Variants in DCC observed in about 807,000 individuals in gnomAD.
DCC encodes the protein DCC netrin 1 receptor.
DCC carries 58 observed loss-of-function variants against 172.5 expected under a neutral mutation model. That is an observed-to-expected ratio of 0.34 (90% CI 0.27 to 0.42). DCC has a LOEUF of 0.42. Ranked by LOEUF, DCC falls within the 10% of genes least tolerant of loss-of-function variation. The pLI is 1.00. For missense variants in DCC, 1,740 were observed against 1,791.0 expected (o/e 0.97, Z 0.51); for synonymous variants, 709 against 644.5 (o/e 1.10, Z -1.52).
At chr18:52,829,113 C>A (rs1269201044) in intron 2 of DCC, among the ~76,000 whole-genome samples, 1 of 152,018 alleles carries the variant, frequency 6.6e-6, no homozygotes, top group Admixed American at 6.6e-5. Context: ...TAATCATTTC[C>A]CTATTTTATC....
intron 19 of DCC, among the ~76,000 whole-genome samples, chr18:53,407,373 G>A (rs1430513151): frequency 6.6e-6 from 1 of 151,156 alleles, no homozygotes; most frequent in East Asian, 1.9e-4. Flanking sequence ...GAATAAAAAA[G>A]TAATAAGATA....
chr18:52,660,191 A>T (rs1225724023), intron 1 of DCC, among the ~76,000 whole-genome samples: 2 of 152,142 alleles, frequency 1.3e-5, no homozygotes, highest in African/African-American at 4.8e-5. Context: ...GGTGAAGGAA[A>T]GTCTCACCAA....
At chr18:52,990,606 A>G (rs1261440873) in intron 5 of DCC, among the ~76,000 whole-genome samples, 1 of 151,776 alleles carries the variant, frequency 6.6e-6, no homozygotes, top group East Asian at 1.9e-4. Context: ...AAATGATCAA[A>G]GAGATTGTAT....
intron 5 of DCC, among the ~76,000 whole-genome samples, chr18:53,043,625 T>G (rs1476656861): frequency 6.6e-6 from 1 of 151,838 alleles, no homozygotes; most frequent in Non-Finnish European, 1.5e-5. Context: ...CTTTATGAGT[T>G]TTCTTTGCCA....
intron 2 of DCC, among the ~76,000 whole-genome samples, chr18:52,860,131 G>T (rs1365336312): frequency 6.6e-6 from 1 of 152,138 alleles, no homozygotes; most frequent in Admixed American, 6.5e-5. Flanking sequence ...AAAAACAAAG[G>T]TTAATATCTG....
chr18:53,071,747 G>A (rs761176260), intron 7 of DCC, among the ~76,000 whole-genome samples: 2 of 152,172 alleles, frequency 1.3e-5, no homozygotes, highest in Non-Finnish European at 2.9e-5. Context: ...AGGGCAGGAT[G>A]TTGGCTAAGA....
chr18:53,208,504 TG>T (rs201291437), intron 11 of DCC, among the ~76,000 whole-genome samples: 2,698 of 132,124 alleles, frequency 0.02, 38 homozygotes, highest in Non-Finnish European at 0.032. Flanking sequence ...AAGGTGTAAA[TG>T]ATAGACAATC....
intron 25 of DCC, among the ~76,000 whole-genome samples, chr18:53,473,038 A>C (rs190342842): frequency 1.1e-4 from 17 of 152,104 alleles, no homozygotes; most frequent in African/African-American, 3.6e-4. Flanking sequence ...GACTCAGTGG[A>C]TAGCTCAACC....
At chr18:53,293,540 G>A (rs2057030589) in intron 12 of DCC, among the ~76,000 whole-genome samples, 1 of 152,058 alleles carries the variant, frequency 6.6e-6, no homozygotes, top group Non-Finnish European at 1.5e-5. Context: ...TGTGTCATAG[G>A]GGCTTGTTGT....
At chr18:52,396,281 A>ACC (rs34363129) in intron 1 of DCC, among the ~76,000 whole-genome samples, 14 of 114,298 alleles carry the variant, frequency 1.2e-4, no homozygotes, top group Non-Finnish European at 1.4e-4. Context: ...CCTGCACCAC[A>ACC]CCCCCCCCCC....
intron 1 of DCC, among the ~76,000 whole-genome samples, chr18:52,570,324 T>A (rs2033263555): frequency 6.6e-6 from 1 of 152,192 alleles, no homozygotes; most frequent in African/African-American, 2.4e-5. Context: ...TGGAAGCAGA[T>A]GCTTCTCCCG....
chr18:53,236,446 G>A (rs1301779574), intron 12 of DCC, among the ~76,000 whole-genome samples: 1 of 151,968 alleles, frequency 6.6e-6, no homozygotes, highest in Non-Finnish European at 1.5e-5. Flanking sequence ...CACATTTTAG[G>A]AAAACATTTT....
rs570083414 is a variant in DCC, at chr18:52,555,706, A to G, written c.92-196348A>G. Among the ~76,000 whole-genome samples, 3 of 152,230 alleles carry G rather than the reference A, an allele frequency of 2.0e-5. No homozygotes were observed. The East Asian group carries it at 5.8e-4, about 29-fold the overall frequency. ...GGTTTGGTAATTTCGTTCTAAGAAG[A>G]CTGTTTTTTAAAAAATCTGTTATTA... On this transcript the variant is annotated intron_variant, in intron 1 of 28. Transcript: ENST00000442544.
intron 27 of DCC, among the ~76,000 whole-genome samples, chr18:53,513,337 G>T (rs568351017): frequency 1.3e-4 from 20 of 152,108 alleles, no homozygotes; most frequent in Admixed American, 1.3e-3. Context: ...AGGAACAACC[G>T]GTACCAGCCG....
At chr18:53,118,669 G>T (rs1044049630) in intron 7 of DCC, among the ~76,000 whole-genome samples, 1 of 151,682 alleles carries the variant, frequency 6.6e-6, no homozygotes, top group African/African-American at 2.4e-5. Flanking sequence ...TGTGGGACAG[G>T]CAATGCGCTA....
chr18:52,354,878 T>C (rs914292302), intron 1 of DCC, among the ~76,000 whole-genome samples: 2 of 152,206 alleles, frequency 1.3e-5, no homozygotes, highest in African/African-American at 4.8e-5. Flanking sequence ...CATGCCATTA[T>C]TAATAATGTT....
At chr18:52,679,026 A>C (rs1430355954) in intron 1 of DCC, among the ~76,000 whole-genome samples, 1 of 152,050 alleles carries the variant, frequency 6.6e-6, no homozygotes, top group Non-Finnish European at 1.5e-5. Flanking sequence ...AATTGAAAAA[A>C]GCTATATTGA....
chr18:53,285,161 TGCA>T (rs573813305), intron 12 of DCC, among the ~76,000 whole-genome samples: 93 of 152,314 alleles, frequency 6.1e-4, no homozygotes, highest in Middle Eastern at 6.8e-3. Flanking sequence ...TGCAGAAATT[TGCA>T]GAAGTAACAA....
chr18:53,056,568 G>T (rs1476256151), intron 5 of DCC, among the ~76,000 whole-genome samples: 1 of 152,058 alleles, frequency 6.6e-6, no homozygotes, highest in Non-Finnish European at 1.5e-5. Flanking sequence ...GGATTTAGAG[G>T]TAGCCCAATT....
Sources: allele counts gnomAD v4.1 joint callset (sites outside exome capture counted in the v4.1 genomes callset), GRCh38; gene constraint gnomAD v4.1.1; transcripts MANE v1.5; gene names NCBI Gene and HGNC (gene_info 2026-07-23, HGNC 2026-07-21).